FSTL4: variants seen among roughly 807,000 people sequenced by gnomAD.
FSTL4 encodes the protein follistatin-related protein 4.
A neutral mutation model predicts 78.2 loss-of-function variants in FSTL4; 28 were observed. That is an observed-to-expected ratio of 0.36 (90% CI 0.27 to 0.49). FSTL4 has a LOEUF of 0.49. FSTL4 is among the 20% of genes least tolerant of loss of function. The pLI is 0.98. For synonymous variants in FSTL4, 422 were observed against 440.5 expected (o/e 0.96, Z 0.53); for missense variants, 922 against 1,084.9 (o/e 0.85, Z 2.11).
the FSTL4 span, among the ~76,000 whole-genome samples, chr5:133,637,906 A>C: frequency 6.6e-6 from 1 of 151,732 alleles, no homozygotes; most frequent in African/African-American, 2.4e-5. Context: ...GTGCCACTGC[A>C]CTCCAGCCTG....
chr5:133,537,062 T>A (rs181004881), intron 3 of FSTL4, among the ~76,000 whole-genome samples: 4 of 152,186 alleles, frequency 2.6e-5, no homozygotes, highest in Non-Finnish European at 5.9e-5. Context: ...CCCAAAAGAG[T>A]TGCACAAGCT....
At chr5:133,789,221 CA>C in the FSTL4 span, among the ~76,000 whole-genome samples, 2 of 152,184 alleles carry the variant, frequency 1.3e-5, no homozygotes, top group Non-Finnish European at 2.9e-5. Context: ...CCAATTCATT[CA>C]TGTTCTAAAT....
the FSTL4 span, among the ~76,000 whole-genome samples, chr5:133,649,164 T>G: frequency 6.6e-6 from 1 of 152,224 alleles, no homozygotes; most frequent in Non-Finnish European, 1.5e-5. Context: ...AATATGCATT[T>G]AAGTTTCTTC....
chr5:133,535,229 T>C (rs1353180780), intron 3 of FSTL4, among the ~76,000 whole-genome samples: 4 of 152,170 alleles, frequency 2.6e-5, no homozygotes, highest in Non-Finnish European at 4.4e-5. Context: ...CCTTCAAAAC[T>C]GTGAGAACTG....
At chr5:133,204,403 G>C (rs1269046544) in intron 14 of FSTL4, among the ~76,000 whole-genome samples, 1 of 152,150 alleles carries the variant, frequency 6.6e-6, no homozygotes, top group East Asian at 1.9e-4. Flanking sequence ...TTAATCTCTT[G>C]CAAATACAAA....
At chr5:133,633,885 T>C in the FSTL4 span, among the ~76,000 whole-genome samples, 5 of 152,096 alleles carry the variant, frequency 3.3e-5, no homozygotes, top group African/African-American at 1.2e-4. Flanking sequence ...TTCTTGGTGG[T>C]TGGCAAGGGT....
chr5:133,703,760 G>A, the FSTL4 span, among the ~76,000 whole-genome samples: 5 of 152,276 alleles, frequency 3.3e-5, no homozygotes, highest in African/African-American at 4.8e-5. Flanking sequence ...CCAGGAACTC[G>A]CTGAGGGCAC....
At chr5:133,491,654 G>A (rs560155867) in intron 3 of FSTL4, among the ~76,000 whole-genome samples, 2 of 151,928 alleles carry the variant, frequency 1.3e-5, no homozygotes, top group East Asian at 1.9e-4. Flanking sequence ...CACCCACCTC[G>A]GCCTCCCAAA....
At chr5:133,282,329 G>A (rs1753028369) in intron 6 of FSTL4, among the ~76,000 whole-genome samples, 2 of 152,106 alleles carry the variant, frequency 1.3e-5, no homozygotes, top group Non-Finnish European at 1.5e-5. Flanking sequence ...CTGAAACACT[G>A]GGGCCCCAGA....
At chr5:133,604,688 G>A (rs1189040601) in intron 1 of FSTL4, among the ~76,000 whole-genome samples, 1 of 152,096 alleles carries the variant, frequency 6.6e-6, no homozygotes, top group Non-Finnish European at 1.5e-5. Flanking sequence ...TAACCTGGGC[G>A]ACAGAGTGAG....
chr5:133,310,868 G>T (rs151307412), intron 6 of FSTL4, among the ~76,000 whole-genome samples: 1 of 152,120 alleles, frequency 6.6e-6, no homozygotes, highest in Middle Eastern at 3.2e-3. Context: ...CTAGCTGCTC[G>T]AGCCTACTGT....
intron 3 of FSTL4, among the ~76,000 whole-genome samples, chr5:133,504,958 A>G (rs1758583209): frequency 6.6e-6 from 1 of 152,226 alleles, no homozygotes; most frequent in Non-Finnish European, 1.5e-5. Context: ...GAGACTGGTC[A>G]TTGTTGTATT....
intron 3 of FSTL4, among the ~76,000 whole-genome samples, chr5:133,475,200 C>T (rs1020045267): frequency 1.3e-5 from 2 of 152,172 alleles, no homozygotes; most frequent in African/African-American, 4.8e-5. Context: ...GAATTTGCTC[C>T]GTCCTGACAA....
intron 4 of FSTL4, chr5:133,387,675 C>G (rs1755733139): frequency 6.6e-6 from 1 of 152,176 alleles, no homozygotes; most frequent in South Asian, 2.1e-4. Context: ...TCCCAATTGT[C>G]CTGACCATGT....
At chr5:133,787,872 G>A in the FSTL4 span, among the ~76,000 whole-genome samples, 3 of 152,202 alleles carry the variant, frequency 2.0e-5, no homozygotes, top group African/African-American at 2.4e-5. Flanking sequence ...CCAATCTCAC[G>A]CCTGCTGGCC....
chr5:133,762,669 C>A, the FSTL4 span, among the ~76,000 whole-genome samples: 5 of 152,228 alleles, frequency 3.3e-5, no homozygotes, highest in Non-Finnish European at 7.3e-5. Flanking sequence ...ATCTTCAGAG[C>A]AGGTTTGCTC....
chr5:133,751,883 A>G, the FSTL4 span, among the ~76,000 whole-genome samples: 51 of 152,172 alleles, frequency 3.4e-4, no homozygotes, highest in African/African-American at 1.2e-3. Context: ...TTGGATCTTT[A>G]TCTTACTGAG....
At chr5:133,207,917 C>G (rs919255516) in intron 14 of FSTL4, 10 of 152,322 alleles carry the variant, frequency 6.6e-5, no homozygotes, top group Middle Eastern at 3.4e-3. Context: ...TCCCAAAGTG[C>G]TAGGATTGCA....
At chr5:133,771,648 G>C in the FSTL4 span, among the ~76,000 whole-genome samples, 1 of 151,756 alleles carries the variant, frequency 6.6e-6, no homozygotes, top group East Asian at 1.9e-4. Context: ...GAGTCTTTAG[G>C]GTTTTCTAGA....
Sources: gnomAD v4.1 joint callset for allele counts (sites outside exome capture counted in the v4.1 genomes callset) on GRCh38, gnomAD v4.1.1 for gene constraint, MANE v1.5 for transcripts, NCBI Gene and HGNC (gene_info 2026-07-23, HGNC 2026-07-21) for gene names.